Variants in FZD4 observed in about 807,000 individuals in gnomAD.
The protein encoded by FZD4 is frizzled class receptor 4, also known as frizzled-4.
Under a neutral mutation model 37.3 loss-of-function variants are expected in FZD4, and 16 were observed. That is an observed-to-expected ratio of 0.43 (90% CI 0.29 to 0.65). The LOEUF (loss-of-function observed/expected upper bound fraction) is 0.65. Ranked by LOEUF, FZD4 falls within the 30% of genes least tolerant of loss-of-function variation. The probability of loss-of-function intolerance (pLI) is 0.16; values close to 1 mark genes in which losing one functional copy is unlikely to be tolerated. For missense variants in FZD4, 599 were observed against 674.3 expected (o/e 0.89, Z 1.24); for synonymous variants, 246 against 254.8 (o/e 0.97, Z 0.33).
chr11:86,951,928 G>A lies in FZD4; in HGVS notation c.828C>T (p.Gly276=), dbSNP rs1253650858. The A allele has an allele frequency of 3.1e-6, 5 of 1,613,570 alleles. No individual in the cohort carries two copies. The highest frequency in any genetic ancestry group is 4.2e-6 in the Non-Finnish European group (5 of 1,179,782). ...SIAYIVRLTV[G]RERISCDFEE... is the part of the protein sequence containing the mutation. ...CAAAATCACAGGATATCCTTTCCCG[G>A]CCTACAGTCAGCCTGACAATATAAG... The change falls in exon 2 of 2, where the codon GGC becomes GGT. Residue 276 remains glycine (G), a synonymous_variant. Coordinates refer to ENST00000531380, the MANE Select transcript of FZD4 (RefSeq NM_012193.4).
Position 86,949,174 on chromosome 11 carries a change from T to G in FZD4, c.*1968A>C, listed in dbSNP as rs1271905191. The G allele has an allele frequency of 2.0e-5, 3 of 152,154 alleles. No homozygotes were observed. The highest frequency in any genetic ancestry group is 2.9e-5 in the Non-Finnish European group (2 of 68,036). 9.4% of individuals were successfully genotyped at this position (152,154 alleles called of 1,614,324 possible). On this transcript the variant is annotated 3_prime_UTR_variant, in exon 2 of 2. Transcript: ENST00000531380. ...CACCTGTGCCCACTTAACTTCAGTC[T>G]CAAAAGCCAAGACTTTGCCTTCCAA...
chr11:86,953,468 T>G (rs747845047), intron 1 of FZD4, among the ~76,000 whole-genome samples: 4 of 152,326 alleles, frequency 2.6e-5, no homozygotes, highest in African/African-American at 4.8e-5. Context: ...AAGGGATATT[T>G]TAGCAGCAAC....
intron 1 of FZD4, chr11:86,954,332 G>C: frequency 1.0e-6 from 1 of 985,318 alleles, no homozygotes; most frequent in Non-Finnish European, 1.2e-6. Flanking sequence ...GCGGGACGTC[G>C]TGAGAAGGGG....
At position 86,951,446 on chromosome 11, in the gene FZD4, A is replaced by C; in HGVS notation, c.1310T>G (p.Ile437Ser). The change falls in exon 2 of 2, where the codon ATT becomes AGT. Residue 437 changes from isoleucine to serine, a missense_variant. Around this residue, in one of 3 missense-constraint regions of FZD4, gnomAD observed 203 missense variants for 196.8 expected, o/e 1.03. Coordinates refer to ENST00000531380, the MANE Select transcript of FZD4 (RefSeq NM_012193.4). The stretch of plus-strand genomic sequence containing the variant: ...TGTGTACAGTACTGAGAACACCCCA[A>C]TCTTGACCATCAGTCTTTCTAACTT... ...TDKLERLMVKIGVFSVLYTVP... is the reference protein window; with the variant it reads ...TDKLERLMVKSGVFSVLYTVP... The C allele has an allele frequency of 1.2e-6, 2 of 1,613,622 alleles. No homozygotes were observed. The highest frequency in any genetic ancestry group is 1.1e-5 in the South Asian group (1 of 91,070).
At chr11:86,954,455 C>T (rs1223898828) in intron 1 of FZD4, 2 of 985,418 alleles carry the variant, frequency 2.0e-6, no homozygotes, top group African/African-American at 3.5e-5. Flanking sequence ...CAAGTCTTAG[C>T]TGCAGCTGGC....
rs1009682639 is a variant in FZD4, at chr11:86,951,075, T to C, written c.*67A>G. On this transcript the variant is annotated 3_prime_UTR_variant, in exon 2 of 2. Transcript: ENST00000531380. ...GAGATTCACTGCATAAAACTTTTAGTAGAATTTCCTCCAAAATGCTGGCAT... is the reference window on the plus strand; with the variant it reads ...GAGATTCACTGCATAAAACTTTTAGCAGAATTTCCTCCAAAATGCTGGCAT... 8 of 1,543,972 alleles carry C rather than the reference T, an allele frequency of 5.2e-6. No homozygotes were observed. Among genetic ancestry groups the C allele is most frequent in the African/African-American group, 4.1e-5 (3 of 73,554 alleles).
In FZD4 at chr11:86,945,796, T is replaced by C. The variant is rs549067034; in HGVS notation, c.*5346A>G. The C allele has an allele frequency of 6.5e-6, 1 of 152,772 alleles. No homozygotes were observed. Among genetic ancestry groups the C allele is most frequent in the South Asian group, 2.1e-4 (1 of 4,822 alleles). 9.5% of individuals were successfully genotyped at this position (152,772 alleles called of 1,614,324 possible). A position where few individuals can be genotyped will look rare whatever the true frequency, so the allele number is the denominator to read the frequency against. ...ATCGATGCAGACATACTTTTGTACA[T>C]CCTTAAAAGCAGGGTCCATTTCCTT... is the stretch of plus-strand genomic sequence containing the variant. On this transcript the variant is annotated 3_prime_UTR_variant, in exon 2 of 2. Coordinates refer to ENST00000531380, the MANE Select transcript of FZD4 (RefSeq NM_012193.4).
chr11:86,945,986 G>A lies in FZD4; in HGVS notation c.*5156C>T, dbSNP rs2135031859. 6.5e-6 allele frequency: 1 copy of A among 152,744 alleles called. No individual in the cohort carries two copies. Among genetic ancestry groups the A allele is most frequent in the African/African-American group, 2.4e-5 (1 of 41,580 alleles). The allele number at this position is 152,744 out of a possible 1,614,324, so 9.5% of individuals were successfully genotyped here. A position where few individuals can be genotyped will look rare whatever the true frequency, so the allele number is the denominator to read the frequency against. On this transcript the variant is annotated 3_prime_UTR_variant, in exon 2 of 2. Coordinates refer to ENST00000531380, the MANE Select transcript of FZD4 (RefSeq NM_012193.4). ...GAGCATCCAGCCCGACTGCTGCACA[G>A]AGCAGGGGAAGTCACATTTTATCTT...
chr11:86,951,712 G>A lies in FZD4; in HGVS notation c.1044C>T (p.His348=), dbSNP rs1056694418. The part of the protein sequence containing the change: ...EAIEMHSSYF[H]IAAWAIPAVK... ...CTGCGGGGATGGCCCAGGCTGCAATGTGGAAATAAGAGCTGTGCATTTCAA... is the reference window on the plus strand; with the variant it reads ...CTGCGGGGATGGCCCAGGCTGCAATATGGAAATAAGAGCTGTGCATTTCAA... The change falls in exon 2 of 2, where the codon CAC becomes CAT. Residue 348 remains histidine, a synonymous_variant. Coordinates refer to ENST00000531380, the MANE Select transcript of FZD4 (RefSeq NM_012193.4). The A allele has an allele frequency of 6.2e-7, 1 of 1,614,128 alleles. No homozygotes were observed. Among genetic ancestry groups the A allele is most frequent in the Non-Finnish European group, 8.5e-7 (1 of 1,179,978 alleles).
At position 86,947,911 on chromosome 11, in the gene FZD4, G is replaced by A. The variant is rs1178917571; in HGVS notation, c.*3231C>T. On this transcript the variant is annotated 3_prime_UTR_variant, in exon 2 of 2. Coordinates refer to ENST00000531380, the MANE Select transcript of FZD4 (RefSeq NM_012193.4). ...ATACCCATTTACTGTAGGTTTCAGA[G>A]AAAGAAAAACAACCCTCACCTTTTC... The A allele has an allele frequency of 2.0e-5, 3 of 152,214 alleles. No individual in the cohort carries two copies. Among genetic ancestry groups the A allele is most frequent in the Non-Finnish European group, 4.4e-5 (3 of 68,066 alleles). The allele number at this position is 152,214 out of a possible 1,614,324, so 9.4% of individuals were successfully genotyped here.
In FZD4 at chr11:86,947,883, A is replaced by G. The variant is rs971940847; in HGVS notation, c.*3259T>C. The G allele has an allele frequency of 6.6e-6, 1 of 152,242 alleles. No homozygotes were observed. The highest frequency in any genetic ancestry group is 1.5e-5 in the Non-Finnish European group (1 of 68,070). The allele number at this position is 152,242 out of a possible 1,614,324, so 9.4% of individuals were successfully genotyped here. On this transcript the variant is annotated 3_prime_UTR_variant, in exon 2 of 2. Coordinates refer to ENST00000531380, the MANE Select transcript of FZD4 (RefSeq NM_012193.4). ...CCAAGGGATTTCTGAGGAAGCTACA[A>G]TCATACCCATTTACTGTAGGTTTCA...
chr11:86,951,718 A>G lies in FZD4; in HGVS notation c.1038T>C (p.Tyr346=). 1 of 1,614,212 alleles carries G rather than the reference A, an allele frequency of 6.2e-7. No homozygotes were observed. The part of the protein sequence containing the change: ...GHEAIEMHSS[Y]FHIAAWAIPA... ...GGATGGCCCAGGCTGCAATGTGGAA[A>G]TAAGAGCTGTGCATTTCAATGGCTT... Residue 346 remains tyrosine, a synonymous_variant, in exon 2 of 2, where the codon TAT becomes TAC. Transcript: ENST00000531380.
At position 86,951,018 on chromosome 11, in the gene FZD4, G is replaced by T; in HGVS notation, c.*124C>A. 1 of 1,030,560 alleles carries T rather than the reference G, an allele frequency of 9.7e-7. No individual in the cohort carries two copies. The highest frequency in any genetic ancestry group is 1.5e-6 in the Non-Finnish European group (1 of 658,110). The allele number at this position is 1,030,560 out of a possible 1,614,324, so 63.8% of individuals were successfully genotyped here. A position where few individuals can be genotyped will look rare whatever the true frequency, so the allele number is the denominator to read the frequency against. On this transcript the variant is annotated 3_prime_UTR_variant, in exon 2 of 2. Coordinates refer to ENST00000531380, the MANE Select transcript of FZD4 (RefSeq NM_012193.4). ...GGGTGGGAGGCAGTGGGTTGACGGGGGTCACTTAATTGTTGCTAGTTTGTT... is the reference window on the plus strand; with the variant it reads ...GGGTGGGAGGCAGTGGGTTGACGGGTGTCACTTAATTGTTGCTAGTTTGTT...
Position 86,949,070 on chromosome 11 carries a change from C to T in FZD4, c.*2072G>A, listed in dbSNP as rs1328489648. On this transcript the variant is annotated 3_prime_UTR_variant, in exon 2 of 2. Transcript: ENST00000531380. Reference sequence around the variant, plus strand: ...ATCAGATGGAGTTAAAATGGTTCTTCTGGGGATCAATTCTCATGCTCCTGG... The same window carrying T: ...ATCAGATGGAGTTAAAATGGTTCTTTTGGGGATCAATTCTCATGCTCCTGG... 2 of 152,256 alleles carry T rather than the reference C, an allele frequency of 1.3e-5. No homozygotes were observed. The highest frequency in any genetic ancestry group is 4.8e-5 in the African/African-American group (2 of 41,448). The allele number at this position is 152,256 out of a possible 1,614,324, so 9.4% of individuals were successfully genotyped here.
intron 1 of FZD4, 37 bp downstream of exon 1, chr11:86,954,764 A>G: frequency 6.4e-7 from 1 of 1,567,524 alleles, no homozygotes; most frequent in South Asian, 1.2e-5. Context: ...GTCCCTCCCC[A>G]AGGGGTCCCG....
rs1351131218 is a variant in FZD4 at position 86,945,932 on chromosome 11, G to A, written c.*5210C>T. On this transcript the variant is annotated 3_prime_UTR_variant, in exon 2 of 2. Coordinates refer to ENST00000531380, the MANE Select transcript of FZD4 (RefSeq NM_012193.4). The stretch of plus-strand genomic sequence containing the variant: ...GGCTTCAAGGTTCCTGGAGCTGTGG[G>A]GTGGCATGAGGACCCAAGAAAGGCC... 6.6e-6 allele frequency: 1 copy of A among 152,540 alleles called. No homozygotes were observed. Among genetic ancestry groups the A allele is most frequent in the Non-Finnish European group, 1.5e-5 (1 of 68,036 alleles). 9.4% of individuals were successfully genotyped at this position (152,540 alleles called of 1,614,324 possible).
rs1206806876 is a variant in FZD4 at position 86,950,625 on chromosome 11, T to C, written c.*517A>G. On this transcript the variant is annotated 3_prime_UTR_variant, in exon 2 of 2. Coordinates refer to ENST00000531380, the MANE Select transcript of FZD4 (RefSeq NM_012193.4). Reference sequence around the variant, plus strand: ...ACAGCAGACAGCGCACCACAGAAGATGTTTATGTTACATCAGCCAAACTAT... The same window carrying C: ...ACAGCAGACAGCGCACCACAGAAGACGTTTATGTTACATCAGCCAAACTAT... The C allele has an allele frequency of 1.1e-5, 2 of 189,474 alleles. No individual in the cohort carries two copies. Among genetic ancestry groups the C allele is most frequent in the East Asian group, 2.5e-4 (2 of 7,974 alleles). The allele number at this position is 189,474 out of a possible 1,614,324, so 11.7% of individuals were successfully genotyped here. A position where few individuals can be genotyped will look rare whatever the true frequency, so the allele number is the denominator to read the frequency against.
chr11:86,951,498 G>A lies in FZD4; in HGVS notation c.1258C>T (p.Leu420Phe), dbSNP rs772965455. The change falls in exon 2 of 2, where the codon CTT becomes TTT. Residue 420 changes from leucine (L) to phenylalanine (F), a missense_variant. By Grantham distance (22) the Leu-to-Phe change is conservative. Transcript: ENST00000531380. ...LVALFKIRSNLQKDGTKTDKL... is the reference protein window; with the variant it reads ...LVALFKIRSNFQKDGTKTDKL... The stretch of plus-strand genomic sequence containing the variant: ...TCTGTCTTTGTCCCATCCTTTTGAA[G>A]ATTTGACCGAATTTTGAACAAGGCC... 1 of 1,614,146 alleles carries A rather than the reference G, an allele frequency of 6.2e-7. No individual in the cohort carries two copies. Among genetic ancestry groups the A allele is most frequent in the Non-Finnish European group, 8.5e-7 (1 of 1,180,026 alleles).
At position 86,954,828 on chromosome 11, in the gene FZD4, G is replaced by A. The variant is rs773996425; in HGVS notation, c.258C>T (p.Ile86=). ...ELQLTTFTPL[I]QYGCSSQLQF... ...GCAGCTGGCTGGAGCAGCCGTACTG[G>A]ATGAGCGGTGTGAAAGTTGTCAGCT... is the stretch of plus-strand genomic sequence containing the variant. The change falls in exon 1 of 2, where the codon ATC becomes ATT. Residue 86 remains isoleucine (I), a synonymous_variant. Coordinates refer to ENST00000531380, the MANE Select transcript of FZD4 (RefSeq NM_012193.4). The A allele has an allele frequency of 1.1e-5, 18 of 1,612,250 alleles. No individual in the cohort carries two copies. Among genetic ancestry groups the A allele is most frequent in the Non-Finnish European group, 1.5e-5 (18 of 1,179,450 alleles).
Sources: gnomAD v4.1 joint callset for allele counts (sites outside exome capture counted in the v4.1 genomes callset) on GRCh38, gnomAD v4.1.1 for gene constraint, gnomAD v4.1.1 regional missense constraint, MANE v1.5 for transcripts, NCBI Gene and HGNC (gene_info 2026-07-23, HGNC 2026-07-21) for gene names.